Variants in NHLRC3 observed in about 807,000 individuals in gnomAD.
NHLRC3 encodes NHL repeat-containing protein 3.
In NHLRC3, 23 loss-of-function variants were observed where a neutral mutation model predicts 32.0. The observed-to-expected ratio is 0.72, with a 90% CI of 0.52 to 1.02. The LOEUF (loss-of-function observed/expected upper bound fraction) is 1.02. NHLRC3 is among the 50% of genes least tolerant of loss of function. The pLI is 0.00. For missense variants in NHLRC3, 407 were observed against 406.8 expected (o/e 1.00, Z -0.01); for synonymous variants, 159 against 147.9 (o/e 1.08, Z -0.55).
At position 39,049,751 on chromosome 13, in the gene NHLRC3, T is replaced by C. The variant is rs1871834378; in HGVS notation, c.*1825T>C. 6.6e-6 allele frequency: 1 copy of C among 152,196 alleles called. No individual in the cohort carries two copies. The allele number at this position is 152,196 out of a possible 1,614,324, so 9.4% of individuals were successfully genotyped here. On this transcript the variant is annotated 3_prime_UTR_variant, in exon 7 of 7. Coordinates refer to ENST00000379600, the MANE Select transcript of NHLRC3 (RefSeq NM_001012754.4). ...TGAAGCAATTTAGGCTAAACTGATT[T>C]TGAAATTTCAAAATGTTTTATTTTA...
intron 4 of NHLRC3, among the ~76,000 whole-genome samples, chr13:39,043,298 TTG>T (rs1871533898): frequency 6.6e-6 from 1 of 152,232 alleles, no homozygotes; most frequent in African/African-American, 2.4e-5. Flanking sequence ...CCATAACAAA[TTG>T]CCACAAACTG....
Position 39,039,718 on chromosome 13 carries a change from A to G in NHLRC3, c.385+7A>G. 1 of 1,598,200 alleles carries G rather than the reference A, an allele frequency of 6.3e-7. No homozygotes were observed. Among genetic ancestry groups the G allele is most frequent in the Non-Finnish European group, 8.6e-7 (1 of 1,167,704 alleles). On this transcript the variant is annotated splice_region_variant and intron_variant, in intron 3 of 6. Coordinates refer to ENST00000379600, the MANE Select transcript of NHLRC3 (RefSeq NM_001012754.4). ...ATCACGGATGTAGGAAGTGGTATGT[A>G]TAGTAATATCTATTAAATTATCTTA...
Position 39,039,198 on chromosome 13 carries a change from T to G in NHLRC3, c.147T>G (p.Asp49Glu), listed in dbSNP as rs148723231. 80 of 1,613,844 alleles carry G rather than the reference T, an allele frequency of 5.0e-5. No individual in the cohort carries two copies. Among genetic ancestry groups the G allele is most frequent in the South Asian group, 1.1e-5 (1 of 91,084 alleles). ...WRTEKILYRL[D>E]VGWPKHPEYF... ...CTGAGAAAATTCTTTACCGGCTGGA[T>G]GTGGGTTGGCCTAAGCACCCAGAAT... Residue 49 changes from aspartate (D) to glutamate (E), a missense_variant, in exon 2 of 7, where the codon GAT (aspartate) becomes GAG (glutamate). Asp to Glu is a conservative substitution (Grantham distance 45). Transcript: ENST00000379600.
intron 5 of NHLRC3, among the ~76,000 whole-genome samples, chr13:39,044,874 A>G (rs942317057): frequency 4.6e-5 from 7 of 152,218 alleles, no homozygotes; most frequent in Admixed American, 1.3e-4. Flanking sequence ...AGCAGCCTGT[A>G]CTTCGTATCA....
chr13:39,043,140 A>G (rs902270594), intron 4 of NHLRC3, among the ~76,000 whole-genome samples: 37 of 152,346 alleles, frequency 2.4e-4, no homozygotes, highest in African/African-American at 7.0e-4. Flanking sequence ...TGTGTAGTCA[A>G]TTTATCAATT....
chr13:39,041,781 A>G, intron 3 of NHLRC3: 1 of 238,482 alleles, frequency 4.2e-6, no homozygotes, highest in Non-Finnish European at 8.2e-6. Context: ...TGCTTATTCA[A>G]GGTCATAAGA....
chr13:39,044,222 AAT>A, intron 5 of NHLRC3, 41 bp downstream of exon 5: 1 of 1,147,440 alleles, frequency 8.7e-7, no homozygotes, highest in Non-Finnish European at 1.3e-6. Context: ...TTTGTGTCTG[AAT>A]ATGTTTGTGT....
intron 6 of NHLRC3, among the ~76,000 whole-genome samples, chr13:39,047,472 C>T (rs573089128): frequency 1.7e-4 from 26 of 152,180 alleles, no homozygotes; most frequent in African/African-American, 5.8e-4. Context: ...CAAATTTAAG[C>T]TAATCTTTGG....
rs1042701732 is a variant in NHLRC3, at chr13:39,048,871, A to G, written c.*945A>G. On this transcript the variant is annotated 3_prime_UTR_variant, in exon 7 of 7. Coordinates refer to ENST00000379600, the MANE Select transcript of NHLRC3 (RefSeq NM_001012754.4). ...TTTCTTTTTCTTTCTTTTGTTTTACATGAACTCAACTTATTCCTAACATTT... is the reference window on the plus strand; with the variant it reads ...TTTCTTTTTCTTTCTTTTGTTTTACGTGAACTCAACTTATTCCTAACATTT... 3 of 152,320 alleles carry G rather than the reference A, an allele frequency of 2.0e-5. No homozygotes were observed. Among genetic ancestry groups the G allele is most frequent in the African/African-American group, 7.3e-5 (3 of 41,316 alleles). The allele number at this position is 152,320 out of a possible 1,614,324, so 9.4% of individuals were successfully genotyped here.
chr13:39,040,514 A>G (rs1871427566), intron 3 of NHLRC3: 1 of 152,202 alleles, frequency 6.6e-6, no homozygotes, highest in African/African-American at 2.4e-5. Context: ...GCCATCAAAT[A>G]TTTTTAGTAG....
At chr13:39,038,835 C>G in intron 1 of NHLRC3, 112 bp downstream of exon 1, 1 of 915,332 alleles carries the variant, frequency 1.1e-6, no homozygotes, top group Middle Eastern at 2.2e-4. Context: ...AGTAGCTTGT[C>G]TCAAAGCCTG....
Position 39,047,901 on chromosome 13 carries a change from G to C in NHLRC3, c.1019G>C (p.Ser340Thr). The C allele has an allele frequency of 1.2e-6, 2 of 1,608,958 alleles. No individual in the cohort carries two copies. Among genetic ancestry groups the C allele is most frequent in the Non-Finnish European group, 1.7e-6 (2 of 1,175,766 alleles). Residue 340 changes from serine (S) to threonine (T), a missense_variant, in exon 7 of 7, where the codon AGC becomes ACC. Coordinates refer to ENST00000379600, the MANE Select transcript of NHLRC3 (RefSeq NM_001012754.4). Reference protein sequence around the residue: ...KQVQKYVPLNSYVPSFGS With the variant: ...KQVQKYVPLNTYVPSFGS ...GTACAAAAATATGTCCCTTTGAATA[G>C]CTATGTTCCTTCATTTGGTTCATAA...
chr13:39,046,952 G>T (rs919753738), intron 5 of NHLRC3, 88 bp from the exon 6 acceptor site: 2 of 863,406 alleles, frequency 2.3e-6, no homozygotes, highest in Non-Finnish European at 3.9e-6. Flanking sequence ...GTGAGATAAT[G>T]TATGGTGAAA....
intron 5 of NHLRC3, 52 bp downstream of exon 5, chr13:39,044,233 GT>G (rs372998969): frequency 0.076 from 44,402 of 582,486 alleles, 2,082 homozygotes; most frequent in South Asian, 0.15. Flanking sequence ...ATATGTTTGT[GT>G]GTGTGTGTGT....
chr13:39,046,197 A>G (rs1871668108), intron 5 of NHLRC3, among the ~76,000 whole-genome samples: 1 of 152,186 alleles, frequency 6.6e-6, no homozygotes. Context: ...GGGCGCCTGT[A>G]GTCTCAGCTA....
At position 39,038,681 on chromosome 13, in the gene NHLRC3, T is replaced by C. The variant is rs1407188987; in HGVS notation, c.42T>C (p.Phe14=). ...TCTGCGTAGCCGGTGCTGGCTTCTT[T>C]CTTGCATTTTTGGTTTTGCATTCGC... ...FWVCVAGAGF[F]LAFLVLHSRF... The change falls in exon 1 of 7, where the codon TTT becomes TTC. Residue 14 remains phenylalanine, a synonymous_variant. Coordinates refer to ENST00000379600, the MANE Select transcript of NHLRC3 (RefSeq NM_001012754.4). 8.7e-6 allele frequency: 14 copies of C among 1,614,180 alleles called. No homozygotes were observed. In the East Asian group the frequency reaches 3.1e-4, roughly 36 times the overall value.
chr13:39,039,546 T>TTTTTTGTA lies in NHLRC3; in HGVS notation c.238-16_238-9dup. 1 of 1,597,530 alleles carries TTTTTTGTA rather than the reference T, an allele frequency of 6.3e-7. No individual in the cohort carries two copies. Among genetic ancestry groups the TTTTTTGTA allele is most frequent in the East Asian group, 2.2e-5 (1 of 44,666 alleles). On this transcript the variant is annotated splice_polypyrimidine_tract_variant and intron_variant, in intron 2 of 6. Transcript: ENST00000379600. ...CCTTTAAGCTGATCCTAAGAAGTTATTTTTTGTATACCTTCAGAGAGGGGA... is the reference window on the plus strand; with the variant it reads ...CCTTTAAGCTGATCCTAAGAAGTTATTTTTTGTATTTTTGTATACCTTCAGAGAGGGGA...
chr13:39,044,389 A>C (rs1432476114), intron 5 of NHLRC3: 1 of 518,164 alleles, frequency 1.9e-6, no homozygotes. Flanking sequence ...CTTTCTTACA[A>C]GTGTTTGAGT....
At chr13:39,040,172 A>C (rs1238251501) in intron 3 of NHLRC3, 2 of 150,948 alleles carry the variant, frequency 1.3e-5, no homozygotes, top group Non-Finnish European at 1.5e-5. Flanking sequence ...TGGGTGACAC[A>C]GCGACACTCT....
Sources: allele counts gnomAD v4.1 joint callset (sites outside exome capture counted in the v4.1 genomes callset), GRCh38; gene constraint gnomAD v4.1.1; transcripts MANE v1.5; gene names NCBI Gene and HGNC (gene_info 2026-07-23, HGNC 2026-07-21).